XXYLT1: variants seen among roughly 807,000 people sequenced by gnomAD.
The protein encoded by XXYLT1 is UDP-xylose:alpha-xyloside alpha-1,3-xylosyltransferase.
A neutral mutation model predicts 28.9 loss-of-function variants in XXYLT1; 20 were observed. The ratio of observed to expected loss-of-function variants is 0.69; its 90% CI spans 0.49 to 1.00. The LOEUF is 1.00. XXYLT1 is among the 50% of genes least tolerant of loss of function. The pLI is 0.00. For synonymous variants in XXYLT1, 257 were observed against 253.8 expected (o/e 1.01, Z -0.12); for missense variants, 542 against 560.1 (o/e 0.97, Z 0.33).
intron 3 of XXYLT1, among the ~76,000 whole-genome samples, chr3:195,135,813 C>T (rs960002311): frequency 2.6e-5 from 4 of 152,078 alleles, no homozygotes; most frequent in African/African-American, 7.2e-5. Context: ...GATGGACAGA[C>T]GGGGATGGCA....
rs1714682579 is a variant in XXYLT1, at chr3:195,069,692, CG to C, written c.*22del. On this transcript the variant is annotated 3_prime_UTR_variant, in exon 4 of 4. Coordinates refer to ENST00000310380, the MANE Select transcript of XXYLT1 (RefSeq NM_152531.5). The stretch of plus-strand genomic sequence containing the variant: ...GTCCTTCCCCCAGATCTGGAGGCCC[CG>C]GGGGCAAGGCACGGGGAGCGCCTAG... 2 of 1,592,726 alleles carry C rather than the reference CG, an allele frequency of 1.3e-6. No homozygotes were observed. Among genetic ancestry groups the C allele is most frequent in the Non-Finnish European group, 1.7e-6 (2 of 1,171,034 alleles).
At chr3:195,075,446 C>T (rs1715060113) in intron 3 of XXYLT1, among the ~76,000 whole-genome samples, 1 of 152,232 alleles carries the variant, frequency 6.6e-6, no homozygotes, top group Non-Finnish European at 1.5e-5. Context: ...AGGGCAACTC[C>T]ACATTTCCAG....
chr3:195,165,133 G>A (rs905144713), intron 2 of XXYLT1, among the ~76,000 whole-genome samples: 2 of 152,018 alleles, frequency 1.3e-5, no homozygotes, highest in African/African-American at 4.8e-5. Context: ...TCTGTATTCT[G>A]GCAGCAGTTC....
At chr3:195,201,631 C>G (rs1008518348) in intron 2 of XXYLT1, among the ~76,000 whole-genome samples, 1 of 152,192 alleles carries the variant, frequency 6.6e-6, no homozygotes, top group African/African-American at 2.4e-5. Context: ...GCTTTTCACG[C>G]TTTTGGCTCT....
intron 3 of XXYLT1, among the ~76,000 whole-genome samples, chr3:195,116,367 T>C (rs1034368587): frequency 2.0e-5 from 3 of 152,132 alleles, no homozygotes; most frequent in African/African-American, 7.2e-5. Context: ...GGGGATCTCG[T>C]TAAAATGTAG....
At position 195,257,199 on chromosome 3, in the gene XXYLT1, C is replaced by G. The variant is rs1181583753; in HGVS notation, c.504+13356G>C. Among the ~76,000 whole-genome samples the G allele has an allele frequency of 6.6e-6, 1 of 152,180 alleles. No individual in the cohort carries two copies. Among genetic ancestry groups the G allele is most frequent in the East Asian group, 1.9e-4 (1 of 5,196 alleles). Reference sequence around the variant, plus strand: ...GGGCATCGGTGCCCAGCCATCCCACCCCGGCCTTCCATGGCTGCACTCACA... The same window carrying G: ...GGGCATCGGTGCCCAGCCATCCCACGCCGGCCTTCCATGGCTGCACTCACA... On this transcript the variant is annotated intron_variant, in intron 1 of 3. Transcript: ENST00000310380. This position sits in a 1 kb window ranked among gnomAD's most constrained non-coding sequence, Gnocchi z 4.3.
intron 2 of XXYLT1, among the ~76,000 whole-genome samples, chr3:195,208,919 A>G (rs1474585131): frequency 6.6e-6 from 1 of 152,220 alleles, no homozygotes; most frequent in Non-Finnish European, 1.5e-5. Flanking sequence ...GCTCACAATC[A>G]GAAGCTCACT....
At chr3:195,228,613 C>T (rs1158738978) in intron 1 of XXYLT1, among the ~76,000 whole-genome samples, 5 of 151,438 alleles carry the variant, frequency 3.3e-5, no homozygotes, top group Admixed American at 3.3e-4. Flanking sequence ...CTCAGCCTCC[C>T]AAGTATCTGG....
intron 3 of XXYLT1, among the ~76,000 whole-genome samples, chr3:195,147,324 C>T (rs1719908547): frequency 6.6e-6 from 1 of 152,188 alleles, no homozygotes; most frequent in Non-Finnish European, 1.5e-5. Context: ...AATCCCAGCA[C>T]TTTGGGAAGC....
chr3:195,190,786 G>A (rs1722389527), intron 2 of XXYLT1, among the ~76,000 whole-genome samples: 1 of 152,056 alleles, frequency 6.6e-6, no homozygotes, highest in South Asian at 2.1e-4. Context: ...CGCTTTACGG[G>A]AGCAAACTTT....
At position 195,129,697 on chromosome 3, in the gene XXYLT1, T is replaced by TGCGGGC. The variant is rs1336700953; in HGVS notation, c.785+26746_785+26751dup. On this transcript the variant is annotated intron_variant, in intron 3 of 3. Coordinates refer to ENST00000310380, the MANE Select transcript of XXYLT1 (RefSeq NM_152531.5). The surrounding 1 kb of genome is among the most constrained non-coding windows in gnomAD (Gnocchi z 4.4). ...ATGAATGTTCATTTGCATGTTAGTGTGCGGGCGTATGTTTTCAGTTCTCTC... is the reference window on the plus strand; with the variant it reads ...ATGAATGTTCATTTGCATGTTAGTGTGCGGGCGCGGGCGTATGTTTTCAGTTCTCTC... Among the ~76,000 whole-genome samples the TGCGGGC allele has an allele frequency of 6.6e-6, 1 of 152,246 alleles. No homozygotes were observed. The highest frequency in any genetic ancestry group is 2.4e-5 in the African/African-American group (1 of 41,464).
At chr3:195,254,308 C>T (rs1022626699) in intron 1 of XXYLT1, among the ~76,000 whole-genome samples, 2 of 152,384 alleles carry the variant, frequency 1.3e-5, no homozygotes, top group East Asian at 1.9e-4. Context: ...CTCCCAACCA[C>T]AGGACGCAGG....
chr3:195,110,893 G>GGTGTA (rs1717667776), intron 3 of XXYLT1, among the ~76,000 whole-genome samples: 4 of 15,450 alleles, frequency 2.6e-4, no homozygotes, highest in Admixed American at 7.6e-4. Flanking sequence ...GTGTGCGTGT[G>GGTGTA]TGTGGGTGAG....
rs1395074895 is a variant in XXYLT1, at chr3:195,068,957, T to G, written c.*758A>C. On this transcript the variant is annotated 3_prime_UTR_variant, in exon 4 of 4. Coordinates refer to ENST00000310380, the MANE Select transcript of XXYLT1 (RefSeq NM_152531.5). Reference sequence around the variant, plus strand: ...CTTGTGGTGGCCAGTCTCTGTTCTTTGATGACGAATTTGCTTTCTGAGTAG... The same window carrying G: ...CTTGTGGTGGCCAGTCTCTGTTCTTGGATGACGAATTTGCTTTCTGAGTAG... 1 of 152,214 alleles carries G rather than the reference T, an allele frequency of 6.6e-6. No homozygotes were observed. Among genetic ancestry groups the G allele is most frequent in the East Asian group, 1.9e-4 (1 of 5,192 alleles). The allele number at this position is 152,214 out of a possible 1,614,324, so 9.4% of individuals were successfully genotyped here. A position where few individuals can be genotyped will look rare whatever the true frequency, so the allele number is the denominator to read the frequency against.
At chr3:195,186,964 G>A (rs1722225078) in intron 2 of XXYLT1, among the ~76,000 whole-genome samples, 1 of 149,042 alleles carries the variant, frequency 6.7e-6, no homozygotes, top group South Asian at 2.1e-4. Context: ...GCGCGATCTC[G>A]GCTCACCGCA....
intron 2 of XXYLT1, among the ~76,000 whole-genome samples, chr3:195,169,327 G>A (rs1721281143): frequency 6.6e-6 from 1 of 152,202 alleles, no homozygotes; most frequent in Non-Finnish European, 1.5e-5. Context: ...GAAACGGCAG[G>A]GCCTCTTGTG....
At chr3:195,156,650 A>T in intron 2 of XXYLT1, 69 bp from the exon 3 acceptor site, 1 of 1,580,930 alleles carries the variant, frequency 6.3e-7, no homozygotes, top group South Asian at 1.2e-5. Flanking sequence ...CGGACAGAAA[A>T]TGAAGTGGAG....
intron 3 of XXYLT1, among the ~76,000 whole-genome samples, chr3:195,153,244 A>AGGTCCCCAGT (rs1454077069): frequency 2.0e-5 from 3 of 152,180 alleles, no homozygotes; most frequent in African/African-American, 7.2e-5. Context: ...AGGTCCCCAG[A>AGGTCCCCAGT]GGTCCCCAGT....
At chr3:195,238,276 C>A (rs1055469430) in intron 1 of XXYLT1, among the ~76,000 whole-genome samples, 6 of 152,154 alleles carry the variant, frequency 3.9e-5, no homozygotes, top group Admixed American at 3.3e-4. Flanking sequence ...TTACCTCTCC[C>A]AGCCCCCATC....
Sources: allele counts gnomAD v4.1 joint callset (sites outside exome capture counted in the v4.1 genomes callset), GRCh38; gene constraint gnomAD v4.1.1; non-coding constraint Gnocchi (gnomAD v3.1); transcripts MANE v1.5; gene names NCBI Gene and HGNC (gene_info 2026-07-23, HGNC 2026-07-21).